The following CELF4 variants were observed in gnomAD, a reference collection of about 807,000 sequenced individuals.
CELF4 encodes CUG-BP- and ETR-3-like factor 4.
In CELF4, 18 loss-of-function variants were observed where a neutral mutation model predicts 59.9. The observed-to-expected ratio is 0.30, with a 90% CI of 0.21 to 0.45. The LOEUF (loss-of-function observed/expected upper bound fraction) is 0.45. CELF4 is among the 20% of genes least tolerant of loss of function. CELF4 has a pLI of 1.00. For synonymous variants in CELF4, 261 were observed against 267.1 expected (o/e 0.98, Z 0.22); for missense variants, 456 against 689.0 (o/e 0.66, Z 3.79).
chr18:37,422,177 G>T (rs923550618), intron 2 of CELF4, among the ~76,000 whole-genome samples: 1 of 152,224 alleles, frequency 6.6e-6, no homozygotes, highest in Non-Finnish European at 1.5e-5. Flanking sequence ...CCTGAGTGGG[G>T]CCTGTGTAAG....
At chr18:37,530,234 A>G (rs1487179401) in intron 1 of CELF4, among the ~76,000 whole-genome samples, 2 of 152,216 alleles carry the variant, frequency 1.3e-5, no homozygotes, top group Non-Finnish European at 2.9e-5. Flanking sequence ...AATTCTCACC[A>G]CAACTCTATC....
chr18:37,318,307 A>C (rs1603457989), intron 3 of CELF4, among the ~76,000 whole-genome samples: 1 of 142,854 alleles, frequency 7.0e-6, no homozygotes, highest in African/African-American at 2.6e-5. Context: ...TTATCCCCTC[A>C]CCTCTCTACT....
chr18:37,293,982 C>T (rs558849586), intron 3 of CELF4, among the ~76,000 whole-genome samples: 1 of 152,276 alleles, frequency 6.6e-6, no homozygotes, highest in East Asian at 1.9e-4. Flanking sequence ...CCTGACCCAC[C>T]AACCACCTGA....
chr18:37,495,002 A>G (rs2099923530), intron 1 of CELF4, among the ~76,000 whole-genome samples: 1 of 152,196 alleles, frequency 6.6e-6, no homozygotes. Context: ...CAGGCATGCC[A>G]TGGGCTCCTC....
chr18:37,528,036 G>A (rs1013692228), intron 1 of CELF4, among the ~76,000 whole-genome samples: 2 of 152,182 alleles, frequency 1.3e-5, no homozygotes, highest in Non-Finnish European at 2.9e-5. Context: ...AGCTAAAAAG[G>A]TTCCTGACCT....
rs16968935 is a variant in CELF4 at position 37,429,249 on chromosome 18, C to T, written c.369+56276G>A. Reference sequence around the variant, plus strand: ...ACCTACCTTCTCTGGTTACAAGGACCCTCTATGGGTGTGGCCAGGAGAGAA... The same window carrying T: ...ACCTACCTTCTCTGGTTACAAGGACTCTCTATGGGTGTGGCCAGGAGAGAA... On this transcript the variant is annotated intron_variant, in intron 2 of 12. Transcript: ENST00000420428. Among the ~76,000 whole-genome samples, 843 of 152,230 alleles carry T rather than the reference C, an allele frequency of 5.5e-3. 4 individuals are homozygous for T. The highest frequency in any genetic ancestry group is 0.019 in the African/African-American group (798 of 41,540).
At chr18:37,485,640 G>A (rs1177603723) in intron 1 of CELF4, 33 bp from the exon 2 acceptor site, 72 of 1,352,644 alleles carry the variant, frequency 5.3e-5, no homozygotes, top group Non-Finnish European at 6.8e-5. Flanking sequence ...AGAAGGGTCA[G>A]TGGGGCGCCC....
At chr18:37,370,393 G>T (rs2098844624) in intron 2 of CELF4, among the ~76,000 whole-genome samples, 1 of 152,100 alleles carries the variant, frequency 6.6e-6, no homozygotes, top group South Asian at 2.1e-4. Flanking sequence ...CTTAGAAGGG[G>T]TATGGCAGGC....
intron 5 of CELF4, 121 bp from the exon 6 acceptor site, chr18:37,274,575 G>T (rs746962269): frequency 6.3e-7 from 1 of 1,581,292 alleles, no homozygotes; most frequent in East Asian, 2.3e-5. Flanking sequence ...GGCGGCATCG[G>T]CGCTCGCCCA....
chr18:37,430,732 C>A (rs2099643975), intron 2 of CELF4, among the ~76,000 whole-genome samples: 1 of 152,200 alleles, frequency 6.6e-6, no homozygotes, highest in South Asian at 2.1e-4. Flanking sequence ...CTGGCTCGGG[C>A]CCCCTGGTAG....
At chr18:37,267,028 A>G (rs2077997968) in intron 8 of CELF4, among the ~76,000 whole-genome samples, 2 of 152,250 alleles carry the variant, frequency 1.3e-5, no homozygotes, top group East Asian at 3.9e-4. Flanking sequence ...AAGAAAGGGC[A>G]AGAAGGCCTC....
Position 37,321,839 on chromosome 18 carries a change from G to T in CELF4, c.412C>A (p.Arg138=). Residue 138 remains arginine, a synonymous_variant, in exon 3 of 13, where the codon CGA becomes AGA. Coordinates refer to ENST00000420428, the MANE Select transcript of CELF4 (RefSeq NM_020180.4). ...IQVKPADSES[R]GGSSCLRQPP... is the part of the protein sequence containing the mutation. The stretch of plus-strand genomic sequence containing the variant: ...TGGCGCAGGCAGCTACTACCTCCTC[G>T]GCTCTCGCTGTCCGCAGGCTTCACC... 1 of 1,613,396 alleles carries T rather than the reference G, an allele frequency of 6.2e-7. No individual in the cohort carries two copies. Among genetic ancestry groups the T allele is most frequent in the Non-Finnish European group, 8.5e-7 (1 of 1,179,652 alleles).
chr18:37,397,247 TC>T (rs1569568711), intron 2 of CELF4, among the ~76,000 whole-genome samples: 3 of 151,894 alleles, frequency 2.0e-5, no homozygotes, highest in Non-Finnish European at 4.4e-5. Context: ...AACCAGCCCC[TC>T]ACCCTCCATT....
At chr18:37,311,525 C>T (rs1446276144) in intron 3 of CELF4, among the ~76,000 whole-genome samples, 2 of 152,196 alleles carry the variant, frequency 1.3e-5, no homozygotes, top group African/African-American at 4.8e-5. Context: ...CCTGGTGGCT[C>T]ACACCTGTAA....
chr18:37,484,098 C>T (rs2099876080), intron 2 of CELF4, among the ~76,000 whole-genome samples: 1 of 152,080 alleles, frequency 6.6e-6, no homozygotes, highest in Non-Finnish European at 1.5e-5. Flanking sequence ...AACTCCCTAG[C>T]AATCTCTCTC....
intron 1 of CELF4, among the ~76,000 whole-genome samples, chr18:37,487,667 C>G (rs1374524952): frequency 6.6e-6 from 1 of 152,186 alleles, no homozygotes; most frequent in Admixed American, 6.5e-5. Context: ...CTGCCTGCAA[C>G]CAGGAGGTGG....
intron 2 of CELF4, among the ~76,000 whole-genome samples, chr18:37,412,216 A>G (rs2099470554): frequency 6.6e-6 from 1 of 152,238 alleles, no homozygotes; most frequent in South Asian, 2.1e-4. Context: ...CTTCTGTTGC[A>G]GAACTTCCAG....
intron 1 of CELF4, among the ~76,000 whole-genome samples, chr18:37,545,472 A>T (rs1468997432): frequency 6.6e-6 from 1 of 152,190 alleles, no homozygotes; most frequent in South Asian, 2.1e-4. Flanking sequence ...GAATAAAAAC[A>T]TCTGTAGCTG....
chr18:37,470,890 C>CAGAGAGAGAGAGAGAGAGAGAG (rs142446683), intron 2 of CELF4, among the ~76,000 whole-genome samples: 26 of 94,998 alleles, frequency 2.7e-4, no homozygotes, highest in South Asian at 4.7e-4. Context: ...GTGTGTGTGA[C>CAGAGAGAGAGAGAGAGAGAGAG]AGAGAGAGAG....
Sources: gnomAD v4.1 joint callset for allele counts (sites outside exome capture counted in the v4.1 genomes callset) on GRCh38, gnomAD v4.1.1 for gene constraint, MANE v1.5 for transcripts, NCBI Gene and HGNC (gene_info 2026-07-23, HGNC 2026-07-21) for gene names.